PTPRR: variants seen among roughly 807,000 people sequenced by gnomAD.
The protein encoded by PTPRR is protein tyrosine phosphatase receptor type R.
Under a neutral mutation model 77.2 loss-of-function variants are expected in PTPRR, and 38 were observed. The ratio of observed to expected loss-of-function variants is 0.49; its 90% CI spans 0.38 to 0.65. The LOEUF (loss-of-function observed/expected upper bound fraction) is 0.65, where lower values mean the gene tolerates loss of function less well. PTPRR is among the 30% of genes least tolerant of loss of function. The pLI, the probability that PTPRR is intolerant of heterozygous loss-of-function variation, is 0.00. For synonymous variants in PTPRR, 299 were observed against 283.1 expected, an observed-to-expected ratio of 1.06 and a Z score of -0.57; for missense variants, 744 against 799.2, an observed-to-expected ratio of 0.93 and a Z score of 0.83.
At chr12:70,770,315 A>G (rs920227843) in intron 2 of PTPRR, among the ~76,000 whole-genome samples, 4 of 152,100 alleles carry the variant, frequency 2.6e-5, no homozygotes, top group African/African-American at 4.8e-5. Flanking sequence ...ATTTACAAGA[A>G]AAAAACAAAC....
chr12:70,868,044 G>A (rs1281060355), intron 2 of PTPRR, among the ~76,000 whole-genome samples: 2 of 152,142 alleles, frequency 1.3e-5, no homozygotes, highest in South Asian at 2.1e-4. Context: ...ATTCAAGATG[G>A]ATTAAAGACT....
chr12:70,755,118 G>A (rs2136951258), intron 4 of PTPRR, among the ~76,000 whole-genome samples: 1 of 152,166 alleles, frequency 6.6e-6, no homozygotes, highest in South Asian at 2.1e-4. Context: ...TTAAAATTCA[G>A]TTGTATAATT....
chr12:70,712,807 C>A (rs1194428524), intron 6 of PTPRR, among the ~76,000 whole-genome samples: 2 of 151,876 alleles, frequency 1.3e-5, no homozygotes, highest in African/African-American at 2.4e-5. Flanking sequence ...CAATTCCCAA[C>A]CAATTTTATA....
chr12:70,728,909 G>A (rs1889552139), intron 6 of PTPRR, among the ~76,000 whole-genome samples: 1 of 151,926 alleles, frequency 6.6e-6, no homozygotes, highest in African/African-American at 2.4e-5. Context: ...GGAATACTAC[G>A]GGGCCAAAAA....
chr12:70,672,884 C>A, intron 10 of PTPRR: 1 of 1,556,980 alleles, frequency 6.4e-7, no homozygotes, highest in South Asian at 1.1e-5. Context: ...AGGCCCTGGT[C>A]ATAGGATGGG....
chr12:70,884,748 T>C (rs1448399238), intron 2 of PTPRR, among the ~76,000 whole-genome samples: 4 of 145,796 alleles, frequency 2.7e-5, no homozygotes, highest in Non-Finnish European at 5.9e-5. Context: ...GGCGGGCGCC[T>C]GTAGTCCCAG....
At chr12:70,695,044 T>C (rs1030218025) in intron 8 of PTPRR, among the ~76,000 whole-genome samples, 1 of 152,184 alleles carries the variant, frequency 6.6e-6, no homozygotes, top group Non-Finnish European at 1.5e-5. Flanking sequence ...CATTTTAATC[T>C]CAGCCAAGAT....
intron 2 of PTPRR, among the ~76,000 whole-genome samples, chr12:70,867,886 A>G (rs1892885498): frequency 6.6e-6 from 1 of 152,182 alleles, no homozygotes; most frequent in African/African-American, 2.4e-5. Flanking sequence ...AATGCCGCAT[A>G]TCTACAACCA....
intron 2 of PTPRR, among the ~76,000 whole-genome samples, chr12:70,785,912 C>T (rs1470102132): frequency 6.6e-6 from 1 of 152,078 alleles, no homozygotes; most frequent in East Asian, 1.9e-4. Flanking sequence ...CCTTCCACTC[C>T]CCTGATTATG....
At chr12:70,835,185 C>T (rs2137054206) in intron 2 of PTPRR, among the ~76,000 whole-genome samples, 1 of 152,080 alleles carries the variant, frequency 6.6e-6, no homozygotes, top group South Asian at 2.1e-4. Flanking sequence ...TAGGTTTCTG[C>T]CTACCTTTTG....
intron 4 of PTPRR, among the ~76,000 whole-genome samples, chr12:70,757,121 A>T (rs1156345515): frequency 6.6e-6 from 1 of 152,246 alleles, no homozygotes; most frequent in Non-Finnish European, 1.5e-5. Flanking sequence ...ACTAATTTAG[A>T]CAAGACTACC....
At chr12:70,687,405 G>T (rs780663897) in intron 8 of PTPRR, among the ~76,000 whole-genome samples, 2 of 34,640 alleles carry the variant, frequency 5.8e-5, no homozygotes, top group East Asian at 6.1e-4. Context: ...AAGGGATCTG[G>T]CTTTGGCAGG....
chr12:70,779,997 C>G, intron 2 of PTPRR, among the ~76,000 whole-genome samples: 1 of 146,198 alleles, frequency 6.8e-6, no homozygotes, highest in South Asian at 2.2e-4. Context: ...TTGAAACTCA[C>G]TTTTTTTTTT....
chr12:70,905,129 G>C (rs2137130832), intron 1 of PTPRR, among the ~76,000 whole-genome samples: 1 of 151,938 alleles, frequency 6.6e-6, no homozygotes, highest in Middle Eastern at 3.4e-3. Context: ...ATGAGCCTTG[G>C]ATTTGAGGAA....
At chr12:70,665,364 C>CTTTTTTTTTTTTTTTTTTTTTTTTTT (rs72472808) in intron 10 of PTPRR, among the ~76,000 whole-genome samples, 8 of 44,602 alleles carry the variant, frequency 1.8e-4, no homozygotes, top group Non-Finnish European at 3.1e-4. Flanking sequence ...AATGCAAATT[C>CTTTTTTTTTTTTTTTTTTTTTTTTTT]TTTTTTTTTT....
At chr12:70,817,200 A>C (rs1455260714) in intron 2 of PTPRR, among the ~76,000 whole-genome samples, 1 of 152,228 alleles carries the variant, frequency 6.6e-6, no homozygotes, top group Non-Finnish European at 1.5e-5. Flanking sequence ...ATGGCAGCCC[A>C]CAAACACTTT....
At chr12:70,744,041 G>A (rs1243045386) in intron 6 of PTPRR, among the ~76,000 whole-genome samples, 2 of 152,114 alleles carry the variant, frequency 1.3e-5, no homozygotes, top group African/African-American at 2.4e-5. Context: ...TCTTGCCACC[G>A]GCCCTTCGTT....
At chr12:70,711,448 TTATTTAGTATATTTA>T (rs1197338542) in intron 6 of PTPRR, among the ~76,000 whole-genome samples, 2 of 151,830 alleles carry the variant, frequency 1.3e-5, no homozygotes, top group Non-Finnish European at 2.9e-5. Flanking sequence ...GGTAGTAGGA[TTATTTAGTATATTTA>T]TATTTAGTAT....
intron 2 of PTPRR, among the ~76,000 whole-genome samples, chr12:70,817,063 AG>A (rs747341765): frequency 9.2e-5 from 14 of 152,254 alleles, no homozygotes; most frequent in Non-Finnish European, 1.5e-4. Flanking sequence ...ACTGCTAAAT[AG>A]ATGGGTGAAC....
Sources: gnomAD v4.1 joint callset for allele counts (sites outside exome capture counted in the v4.1 genomes callset) on GRCh38, gnomAD v4.1.1 for gene constraint, MANE v1.5 for transcripts, NCBI Gene and HGNC (gene_info 2026-07-23, HGNC 2026-07-21) for gene names.